Variants in WNK1 observed in about 807,000 individuals in gnomAD.
The protein encoded by WNK1 is serine/threonine-protein kinase WNK1.
In WNK1, 38 loss-of-function variants were observed where a neutral mutation model predicts 222.8. The observed-to-expected ratio is 0.17, with a 90% CI of 0.13 to 0.22. WNK1 has a LOEUF of 0.22. Among genes scored for constraint, WNK1 ranks in the 10% least tolerant of loss-of-function variants. The pLI is 1.00. For missense variants in WNK1, 2,348 were observed against 2,918.4 expected (o/e 0.80, Z 4.50); for synonymous variants, 1,090 against 1,092.9 (o/e 1.00, Z 0.05).
In WNK1 at chr12:760,133, CA is replaced by C. The variant is rs779938128; in HGVS notation, c.759+5810del. ...TGCCTAACATTTTAATTTTGTGACCCATCACCCAAATGCCAATCTTTCTGAA... is the reference window on the plus strand; with the variant it reads ...TGCCTAACATTTTAATTTTGTGACCCTCACCCAAATGCCAATCTTTCTGAA... On this transcript the variant is annotated intron_variant, in intron 1 of 27. Transcript: ENST00000315939. 1.6e-4 allele frequency among the ~76,000 whole-genome samples: 23 copies of C among 148,128 alleles called. 4 individuals are homozygous for C. The highest frequency in any genetic ancestry group is 1.3e-3 in the South Asian group (6 of 4,566).
chr12:858,636 G>A (rs1950964913), intron 5 of WNK1, among the ~76,000 whole-genome samples: 1 of 152,090 alleles, frequency 6.6e-6, no homozygotes, highest in African/African-American at 2.4e-5. Flanking sequence ...TGTAAATAAA[G>A]CTTGCTGTGG....
chr12:865,184 A>G (rs72649842), intron 8 of WNK1: 1 of 1,486,672 alleles, frequency 6.7e-7, no homozygotes, highest in Non-Finnish European at 8.9e-7. Flanking sequence ...CATCTCTCCC[A>G]GTGCTCTTCC....
intron 1 of WNK1, among the ~76,000 whole-genome samples, chr12:810,272 C>T (rs1260247155): frequency 2.0e-5 from 3 of 151,756 alleles, no homozygotes; most frequent in Non-Finnish European, 4.4e-5. Context: ...GAAATAGATG[C>T]CCATGTCTTG....
chr12:811,162 G>A (rs889961344), intron 1 of WNK1, among the ~76,000 whole-genome samples: 4 of 152,144 alleles, frequency 2.6e-5, no homozygotes, highest in African/African-American at 9.7e-5. Flanking sequence ...AGTCTCACTT[G>A]ATGTTTTAAT....
intron 8 of WNK1, among the ~76,000 whole-genome samples, chr12:864,686 C>G (rs1272191101): frequency 6.6e-6 from 1 of 152,164 alleles, no homozygotes; most frequent in East Asian, 1.9e-4. Context: ...TTAAAATTCT[C>G]TGTATCTTTT....
intron 1 of WNK1, among the ~76,000 whole-genome samples, chr12:760,811 G>A (rs929625229): frequency 6.8e-6 from 1 of 146,444 alleles, no homozygotes; most frequent in East Asian, 2.0e-4. Context: ...TGTCGCCCAG[G>A]CTGGAGTGCA....
chr12:902,234 T>C (rs1592254313), intron 26 of WNK1, among the ~76,000 whole-genome samples: 1 of 151,728 alleles, frequency 6.6e-6, no homozygotes, highest in African/African-American at 2.4e-5. Flanking sequence ...GACCAGGAGG[T>C]TGAGACTGCA....
chr12:779,930 C>T (rs1024046639), intron 1 of WNK1, among the ~76,000 whole-genome samples: 1 of 152,074 alleles, frequency 6.6e-6, no homozygotes, highest in Non-Finnish European at 1.5e-5. Context: ...TAATAAGGCT[C>T]AGTACCTCTG....
At chr12:812,987 A>G (rs983878827) in intron 1 of WNK1, among the ~76,000 whole-genome samples, 3 of 152,154 alleles carry the variant, frequency 2.0e-5, no homozygotes, top group Non-Finnish European at 4.4e-5. Context: ...CACACCTGTA[A>G]TCCCAGGCTT....
intron 8 of WNK1, among the ~76,000 whole-genome samples, chr12:867,001 T>TA (rs1484640856): frequency 6.6e-6 from 1 of 152,114 alleles, no homozygotes; most frequent in Non-Finnish European, 1.5e-5. Context: ...CGCACGCGTG[T>TA]AGTCCCAGCT....
chr12:862,980 C>T (rs1357697587), intron 8 of WNK1, among the ~76,000 whole-genome samples: 4 of 152,180 alleles, frequency 2.6e-5, no homozygotes, highest in South Asian at 2.1e-4. Flanking sequence ...TTACATTAGA[C>T]ACTCTTGTTT....
chr12:861,471 G>T (rs1951212882), intron 7 of WNK1, 128 bp downstream of exon 7: 2 of 834,588 alleles, frequency 2.4e-6, no homozygotes, highest in Non-Finnish European at 3.9e-6. Flanking sequence ...AATTTGAAAT[G>T]GTTGTCGTCT....
At chr12:776,511 A>G (rs983971434) in intron 1 of WNK1, among the ~76,000 whole-genome samples, 2 of 142,802 alleles carry the variant, frequency 1.4e-5, no homozygotes, top group African/African-American at 5.2e-5. Flanking sequence ...GCTCACTGCA[A>G]CCTCCACCTC....
In WNK1 at chr12:884,077, T is replaced by G; in HGVS notation, c.3722-44T>G. On this transcript the variant is annotated intron_variant, in intron 17 of 27. Coordinates refer to ENST00000315939, the MANE Select transcript of WNK1 (RefSeq NM_018979.4). The surrounding 1 kb of genome is among the most constrained non-coding windows in gnomAD (Gnocchi z 5.6). ...TAATGAAGTCTAACAATATTTATAATAATAATGCTATTAAGTTACGTTTGT... is the reference window on the plus strand; with the variant it reads ...TAATGAAGTCTAACAATATTTATAAGAATAATGCTATTAAGTTACGTTTGT... 6.2e-7 allele frequency: 1 copy of G among 1,612,814 alleles called. No individual in the cohort carries two copies. Among genetic ancestry groups the G allele is most frequent in the South Asian group, 1.1e-5 (1 of 90,894 alleles).
chr12:799,153 T>C (rs1945630244), intron 1 of WNK1, among the ~76,000 whole-genome samples: 1 of 152,174 alleles, frequency 6.6e-6, no homozygotes, highest in African/African-American at 2.4e-5. Flanking sequence ...AGACAGAGTC[T>C]TGCTCTGTTG....
intron 24 of WNK1, among the ~76,000 whole-genome samples, 185 bp downstream of exon 24, chr12:896,917 C>T (rs1954790394): frequency 8.6e-6 from 1 of 116,330 alleles, no homozygotes; most frequent in African/African-American, 3.2e-5. Context: ...CACACACACA[C>T]ACACACACAC....
intron 5 of WNK1, among the ~76,000 whole-genome samples, chr12:858,443 G>A (rs1950952124): frequency 6.6e-6 from 1 of 152,098 alleles, no homozygotes. Flanking sequence ...ACCCACCTTG[G>A]CCTCCCAAAG....
At chr12:898,222 C>T (rs1272590974) in intron 25 of WNK1, among the ~76,000 whole-genome samples, 3 of 152,038 alleles carry the variant, frequency 2.0e-5, no homozygotes, top group Non-Finnish European at 2.9e-5. Context: ...CGGTGGCTCA[C>T]GCCTGTAATC....
intron 12 of WNK1, among the ~76,000 whole-genome samples, chr12:881,238 C>A (rs527635856): frequency 5.9e-5 from 9 of 152,310 alleles, no homozygotes; most frequent in Non-Finnish European, 1.3e-4. Context: ...ATTAGCACTT[C>A]ACTTCTCTAG....
Sources: gnomAD v4.1 joint callset for allele counts (sites outside exome capture counted in the v4.1 genomes callset) on GRCh38, gnomAD v4.1.1 for gene constraint, Gnocchi (gnomAD v3.1) non-coding constraint, MANE v1.5 for transcripts, NCBI Gene and HGNC (gene_info 2026-07-23, HGNC 2026-07-21) for gene names.